Variants in RASA2 observed in about 807,000 individuals in gnomAD.
RASA2 encodes the protein ras GTPase-activating protein 2.
A neutral mutation model predicts 118.2 loss-of-function variants in RASA2; 155 were observed. The ratio of observed to expected loss-of-function variants is 1.31; its 90% CI spans 1.15 to 1.50. The LOEUF is 1.50. Ranked by LOEUF, RASA2 falls within the 40% of genes most tolerant of loss-of-function variation. The pLI, the probability that RASA2 is intolerant of heterozygous loss-of-function variation, is 0.00. For synonymous variants in RASA2, 353 were observed against 349.1 expected (o/e 1.01, Z -0.12); for missense variants, 1,016 against 1,009.6 (o/e 1.01, Z -0.09).
At chr3:141,557,153 G>C (rs1005344433) in intron 7 of RASA2, among the ~76,000 whole-genome samples, 10 of 152,196 alleles carry the variant, frequency 6.6e-5, no homozygotes, top group African/African-American at 1.2e-4. Context: ...AAAGTAGAAG[G>C]CCTGACCTGC....
intron 13 of RASA2, 44 bp from the exon 14 acceptor site, chr3:141,573,900 T>G: frequency 6.5e-7 from 1 of 1,530,360 alleles, no homozygotes; most frequent in Non-Finnish European, 8.9e-7. Context: ...ATTGAAGATG[T>G]GTGAACATCA....
At chr3:141,587,239 A>T (rs373654733) in intron 19 of RASA2, among the ~76,000 whole-genome samples, 2 of 152,232 alleles carry the variant, frequency 1.3e-5, no homozygotes, top group Admixed American at 6.5e-5. Flanking sequence ...CCCAAGGTGG[A>T]TGACTTAATA....
intron 19 of RASA2, among the ~76,000 whole-genome samples, chr3:141,597,290 C>T (rs1407397846): frequency 2.0e-5 from 3 of 152,104 alleles, no homozygotes; most frequent in Non-Finnish European, 4.4e-5. Flanking sequence ...GAGCTACTGA[C>T]ACATGCTGCA....
At position 141,558,918 on chromosome 3, in the gene RASA2, C is replaced by A. The variant is rs183729614; in HGVS notation, c.717C>A (p.Ser239=). ...VTRSSSYTRK[S]QFQVEEEDIE... is the part of the protein sequence containing the mutation. Reference sequence around the variant, plus strand: ...GATCCAGTAGTTACACCAGAAAGTCCCAGTTCCAGGTAGAAGAGGAGGACA... The same window carrying A: ...GATCCAGTAGTTACACCAGAAAGTCACAGTTCCAGGTAGAAGAGGAGGACA... Residue 239 remains serine, a synonymous_variant, in exon 8 of 24, where the codon TCC becomes TCA. Coordinates refer to ENST00000286364, the MANE Select transcript of RASA2 (RefSeq NM_006506.5). 6.2e-7 allele frequency: 1 copy of A among 1,607,564 alleles called. No individual in the cohort carries two copies. Among genetic ancestry groups the A allele is most frequent in the South Asian group, 1.1e-5 (1 of 90,706 alleles).
chr3:141,520,567 A>G (rs1434053245), intron 3 of RASA2, among the ~76,000 whole-genome samples: 1 of 151,988 alleles, frequency 6.6e-6, no homozygotes, highest in Non-Finnish European at 1.5e-5. Context: ...GTGTTATAAT[A>G]TACATGCATT....
intron 3 of RASA2, among the ~76,000 whole-genome samples, chr3:141,518,556 G>C (rs1297714167): frequency 7.4e-6 from 1 of 134,790 alleles, no homozygotes; most frequent in Non-Finnish European, 1.5e-5. Flanking sequence ...AACTTCTGAT[G>C]TTTCTCTGTG....
chr3:141,585,601 C>T (rs181042623), intron 17 of RASA2, among the ~76,000 whole-genome samples: 1 of 152,070 alleles, frequency 6.6e-6, no homozygotes, highest in Non-Finnish European at 1.5e-5. Flanking sequence ...GAGTTCAAGA[C>T]CAGCCTGGCC....
In RASA2 at chr3:141,516,421, T is replaced by A. The variant is rs956728389; in HGVS notation, c.345T>A (p.Asp115Glu). 4 of 1,545,436 alleles carry A rather than the reference T, an allele frequency of 2.6e-6. No homozygotes were observed. The Admixed American group carries it at 7.7e-5, about 30-fold the overall frequency. ...YVYDKNVLQR[D>E]LRIGKVAIKK... The stretch of plus-strand genomic sequence containing the variant: ...ATGATAAGAATGTTTTACAAAGAGA[T>A]CTCCGTATAGGTATGTACTATTCAT... Residue 115 changes from aspartate (D) to glutamate (E), a missense_variant, in exon 3 of 24, where the codon GAT becomes GAA. Asp to Glu is a conservative substitution (Grantham distance 45, BLOSUM62 2). This residue lies in a region of RASA2 where 896 missense variants were observed against 836.4 expected (regional missense o/e 1.07). Transcript: ENST00000286364.
chr3:141,530,543 GA>G (rs1283288048), intron 4 of RASA2, among the ~76,000 whole-genome samples: 1 of 151,924 alleles, frequency 6.6e-6, no homozygotes, highest in Non-Finnish European at 1.5e-5. Context: ...TTGCAAGCAG[GA>G]TTCTTCCTCT....
intron 7 of RASA2, among the ~76,000 whole-genome samples, chr3:141,556,206 A>G (rs1577729527): frequency 6.6e-6 from 1 of 152,294 alleles, no homozygotes; most frequent in East Asian, 1.9e-4. Flanking sequence ...CCAGCTCCCT[A>G]CCTAACACAT....
At chr3:141,538,364 A>G (rs2082358877) in intron 4 of RASA2, among the ~76,000 whole-genome samples, 1 of 152,192 alleles carries the variant, frequency 6.6e-6, no homozygotes, top group African/African-American at 2.4e-5. Context: ...AAATCTGAAA[A>G]TTAAATTGGT....
rs76514779 is a variant in RASA2, at chr3:141,493,674, A to T, written c.133+6458A>T. ...TTTAGTTTGTTTGCATATATATTTG[A>T]TATATTAATTCTATTTGATTAGATA... On this transcript the variant is annotated intron_variant, in intron 1 of 23. Transcript: ENST00000286364. Among the ~76,000 whole-genome samples, 967 of 152,312 alleles carry T rather than the reference A, an allele frequency of 6.3e-3. 37 individuals are homozygous for T. The East Asian group carries it at 0.1, about 16-fold the overall frequency.
chr3:141,605,839 G>T (rs145133426), intron 19 of RASA2, among the ~76,000 whole-genome samples: 31 of 151,810 alleles, frequency 2.0e-4, no homozygotes, highest in Middle Eastern at 3.4e-3. Context: ...TACTGCCAAT[G>T]ATTATGAGGG....
chr3:141,544,869 G>A (rs2151106154), intron 5 of RASA2, among the ~76,000 whole-genome samples: 1 of 152,316 alleles, frequency 6.6e-6, no homozygotes, highest in South Asian at 2.1e-4. Flanking sequence ...ATTATCCTTA[G>A]CAGACTAACG....
chr3:141,572,689 A>T lies in RASA2; in HGVS notation c.1250A>T (p.Tyr417Phe). The T allele has an allele frequency of 6.2e-7, 1 of 1,612,514 alleles. No homozygotes were observed. Among genetic ancestry groups the T allele is most frequent in the Non-Finnish European group, 8.5e-7 (1 of 1,178,786 alleles). ...DEMMKIVGGH[Y>F]LKVTLKPILD... is the part of the protein sequence containing the mutation. ...ATGATGAAAATAGTGGGAGGGCACT[A>T]CCTGAAAGTAACATTAAAACCTATT... is the stretch of plus-strand genomic sequence containing the variant. The change falls in exon 12 of 24, where the codon TAC becomes TTC. Residue 417 changes from tyrosine to phenylalanine, a missense_variant. Coordinates refer to ENST00000286364, the MANE Select transcript of RASA2 (RefSeq NM_006506.5).
chr3:141,551,920 C>T (rs1374939712), intron 5 of RASA2, among the ~76,000 whole-genome samples: 1 of 151,958 alleles, frequency 6.6e-6, no homozygotes, highest in Non-Finnish European at 1.5e-5. Context: ...TTGTTTTCTG[C>T]CCATCCATGA....
rs1246385183 is a variant in RASA2 at position 141,552,742 on chromosome 3, G to A, written c.528-1115G>A. Among the ~76,000 whole-genome samples the A allele has an allele frequency of 3.3e-5, 5 of 152,066 alleles. No homozygotes were observed. The East Asian group carries it at 5.8e-4, about 18-fold the overall frequency. ...TGCTCAGCTATAATAGAAATGAGTC[G>A]TATTATCATTTCTGTCTTTACTCTG... On this transcript the variant is annotated intron_variant, in intron 5 of 23. Coordinates refer to ENST00000286364, the MANE Select transcript of RASA2 (RefSeq NM_006506.5).
chr3:141,547,075 G>A (rs772550489), intron 5 of RASA2, among the ~76,000 whole-genome samples: 7 of 152,142 alleles, frequency 4.6e-5, no homozygotes, highest in Non-Finnish European at 8.8e-5. Flanking sequence ...TTTTATGCCA[G>A]TACAATGCTG....
rs919089239 is a variant in RASA2, at chr3:141,571,555, G to A, written c.1169+1G>A. On this transcript the variant is annotated splice_donor_variant, in intron 11 of 23. Coordinates refer to ENST00000286364, the MANE Select transcript of RASA2 (RefSeq NM_006506.5). LOFTEE classifies it high-confidence loss of function. ...CTGAATTAGACTTGAAGGATACACA[G>A]TAAGAGTTATATTTTATTAAATGTT... 1 of 1,597,300 alleles carries A rather than the reference G, an allele frequency of 6.3e-7. No individual in the cohort carries two copies. The highest frequency in any genetic ancestry group is 8.5e-7 in the Non-Finnish European group (1 of 1,171,996).
Sources: gnomAD v4.1 joint callset for allele counts (sites outside exome capture counted in the v4.1 genomes callset) on GRCh38, gnomAD v4.1.1 for gene constraint, gnomAD v4.1.1 regional missense constraint, MANE v1.5 for transcripts, NCBI Gene and HGNC (gene_info 2026-07-23, HGNC 2026-07-21) for gene names.